TINAG: variants seen among roughly 807,000 people sequenced by gnomAD.
TINAG encodes tubulointerstitial nephritis antigen.
In TINAG, 83 loss-of-function variants were observed where a neutral mutation model predicts 72.7. That is an observed-to-expected ratio of 1.14 (90% CI 0.96 to 1.37). The LOEUF (loss-of-function observed/expected upper bound fraction) is 1.37. Ranked by LOEUF, TINAG falls within the 40% of genes most tolerant of loss-of-function variation. TINAG has a pLI of 0.00. For missense variants in TINAG, 685 were observed against 576.6 expected, an observed-to-expected ratio of 1.19 and a Z score of -1.93; for synonymous variants, 234 against 189.9, an observed-to-expected ratio of 1.23 and a Z score of -1.91.
chr6:54,347,346 T>C, intron 5 of TINAG, 21 bp from the exon 6 acceptor site: 1 of 1,610,574 alleles, frequency 6.2e-7, no homozygotes, highest in African/African-American at 1.3e-5. Flanking sequence ...TCAATATTAA[T>C]TGATATTCTA....
intron 9 of TINAG, among the ~76,000 whole-genome samples, chr6:54,358,110 A>G (rs1763112659): frequency 6.6e-6 from 1 of 151,738 alleles, no homozygotes; most frequent in Admixed American, 6.6e-5. Context: ...CTTCTACTGT[A>G]TATACAGTTC....
chr6:54,346,637 G>A (rs1785130433), intron 5 of TINAG, among the ~76,000 whole-genome samples: 1 of 151,512 alleles, frequency 6.6e-6, no homozygotes, highest in Non-Finnish European at 1.5e-5. Context: ...AACAGTAATT[G>A]TAACTAAACA....
intron 9 of TINAG, 76 bp from the exon 10 acceptor site, chr6:54,380,450 C>A: frequency 3.2e-6 from 4 of 1,239,788 alleles, no homozygotes; most frequent in Admixed American, 1.8e-5. Context: ...GTAGGAATGA[C>A]AATAATCTGC....
intron 6 of TINAG, among the ~76,000 whole-genome samples, chr6:54,348,602 G>C (rs970509471): frequency 3.3e-5 from 5 of 152,044 alleles, no homozygotes; most frequent in Admixed American, 6.6e-5. Context: ...TGATGAAAGA[G>C]AGCTCTGGTT....
chr6:54,357,427 G>C (rs1424996069), intron 9 of TINAG, among the ~76,000 whole-genome samples: 4 of 151,836 alleles, frequency 2.6e-5, no homozygotes, highest in African/African-American at 9.7e-5. Flanking sequence ...TACATTCTAT[G>C]ACCTATTTGA....
chr6:54,333,012 T>G (rs1489238215), intron 4 of TINAG, among the ~76,000 whole-genome samples: 1 of 152,268 alleles, frequency 6.6e-6, no homozygotes, highest in African/African-American at 2.4e-5. Flanking sequence ...CTTTTTTTAC[T>G]GGTGATGGGA....
chr6:54,368,080 G>A (rs9474824), intron 9 of TINAG, among the ~76,000 whole-genome samples: 1,930 of 151,624 alleles, frequency 0.013, 43 homozygotes, highest in African/African-American at 0.044. Context: ...CTTTGAGTCC[G>A]TAGAGAAGAA....
At chr6:54,313,640 C>T (rs9367562) in intron 1 of TINAG, among the ~76,000 whole-genome samples, 105,602 of 151,938 alleles carry the variant, frequency 0.7, 37,173 homozygotes, top group Middle Eastern at 0.81. Flanking sequence ...TTACTTATCA[C>T]GTACTAATTA....
At chr6:54,337,930 C>T (rs1007485064) in intron 4 of TINAG, among the ~76,000 whole-genome samples, 8 of 152,006 alleles carry the variant, frequency 5.3e-5, no homozygotes, top group Admixed American at 3.3e-4. Flanking sequence ...AGGGAAAAGC[C>T]GAGGACAGAG....
chr6:54,310,107 G>C (rs1407635570), intron 1 of TINAG, among the ~76,000 whole-genome samples: 1 of 149,234 alleles, frequency 6.7e-6, no homozygotes, highest in Non-Finnish European at 1.5e-5. Flanking sequence ...GTGTGTGTGT[G>C]AGTCTTGCTC....
In TINAG at chr6:54,369,532, T is replaced by A. The variant is rs182443109; in HGVS notation, c.1251-10994T>A. 1.9e-3 allele frequency among the ~76,000 whole-genome samples: 287 copies of A among 152,036 alleles called. 1 individual carries two copies. Among genetic ancestry groups the A allele is most frequent in the African/African-American group, 6.7e-3 (277 of 41,550 alleles). Reference sequence around the variant, plus strand: ...TTGAGCTAAAACATTAGAATCTTGTTATTAAGGTACATTTTAAAATTATAC... The same window carrying A: ...TTGAGCTAAAACATTAGAATCTTGTAATTAAGGTACATTTTAAAATTATAC... On this transcript the variant is annotated intron_variant, in intron 9 of 10. Transcript: ENST00000259782.
chr6:54,369,520 T>G (rs949847817), intron 9 of TINAG, among the ~76,000 whole-genome samples: 4 of 151,876 alleles, frequency 2.6e-5, no homozygotes, highest in African/African-American at 9.7e-5. Flanking sequence ...AGCTAAAACA[T>G]TAGAATCTTG....
chr6:54,312,155 C>T (rs1784274300), intron 1 of TINAG, among the ~76,000 whole-genome samples: 1 of 151,966 alleles, frequency 6.6e-6, no homozygotes, highest in East Asian at 1.9e-4. Flanking sequence ...CTTCCCCGGG[C>T]TCAAGTGATT....
In TINAG at chr6:54,315,183, G is replaced by T. The variant is rs181766871; in HGVS notation, c.356-5396G>T. ...ATTTTTCAGAGATTTAGTTACATGGGTATTGTTCAGTTCCTCTTATTGTGC... is the reference window on the plus strand; with the variant it reads ...ATTTTTCAGAGATTTAGTTACATGGTTATTGTTCAGTTCCTCTTATTGTGC... On this transcript the variant is annotated intron_variant, in intron 1 of 10. Coordinates refer to ENST00000259782, the MANE Select transcript of TINAG (RefSeq NM_014464.4). 1.4e-3 allele frequency among the ~76,000 whole-genome samples: 215 copies of T among 152,138 alleles called. 2 individuals carry two copies. The highest frequency in any genetic ancestry group is 5.0e-3 in the African/African-American group (209 of 41,504).
intron 1 of TINAG, among the ~76,000 whole-genome samples, chr6:54,310,964 C>G (rs1247036123): frequency 6.8e-6 from 1 of 146,762 alleles, no homozygotes; most frequent in Admixed American, 6.9e-5. Context: ...TCTCTTCTTT[C>G]CTTTCTCTCC....
At chr6:54,357,892 C>T (rs752701222) in intron 9 of TINAG, among the ~76,000 whole-genome samples, 2 of 151,848 alleles carry the variant, frequency 1.3e-5, no homozygotes, top group South Asian at 4.1e-4. Flanking sequence ...ACAATATATT[C>T]CCAATTCCAT....
chr6:54,374,243 T>C (rs1763715016), intron 9 of TINAG, among the ~76,000 whole-genome samples: 1 of 152,130 alleles, frequency 6.6e-6, no homozygotes, highest in Non-Finnish European at 1.5e-5. Context: ...ATGTGTGATA[T>C]TAATATTTTC....
At chr6:54,333,236 G>A (rs955144576) in intron 4 of TINAG, among the ~76,000 whole-genome samples, 5 of 151,996 alleles carry the variant, frequency 3.3e-5, no homozygotes, top group Admixed American at 3.3e-4. Flanking sequence ...CATCAATAAT[G>A]GACTGGATAA....
intron 3 of TINAG, among the ~76,000 whole-genome samples, chr6:54,324,823 G>A (rs1562151176): frequency 6.6e-6 from 1 of 152,080 alleles, no homozygotes; most frequent in Non-Finnish European, 1.5e-5. Context: ...TCTTTATCAA[G>A]CCTAGTTTGA....
Sources: allele counts gnomAD v4.1 joint callset (sites outside exome capture counted in the v4.1 genomes callset), GRCh38; gene constraint gnomAD v4.1.1; transcripts MANE v1.5; gene names NCBI Gene and HGNC (gene_info 2026-07-23, HGNC 2026-07-21).